Variants in CALB1 observed in about 807,000 individuals in gnomAD.
CALB1 encodes calbindin 1.
CALB1 carries 16 observed loss-of-function variants against 46.7 expected under a neutral mutation model. The ratio of observed to expected loss-of-function variants is 0.34; its 90% CI spans 0.23 to 0.52. The LOEUF is 0.52. CALB1 is among the 20% of genes least tolerant of loss of function. The probability of loss-of-function intolerance (pLI) is 0.95; values close to 1 mark genes in which losing one functional copy is unlikely to be tolerated. For missense variants in CALB1, 224 were observed against 300.3 expected (o/e 0.75, Z 1.88); for synonymous variants, 90 against 112.8 (o/e 0.80, Z 1.28).
intron 2 of CALB1, 149 bp from the exon 3 acceptor site, chr8:90,078,596 G>C (rs1001494629): frequency 9.0e-6 from 5 of 555,078 alleles, no homozygotes; most frequent in Non-Finnish European, 1.6e-5. Flanking sequence ...AAAATTAAAG[G>C]CATAACTGAT....
chr8:90,068,172 T>G (rs779024696), intron 5 of CALB1, among the ~76,000 whole-genome samples: 4 of 152,180 alleles, frequency 2.6e-5, no homozygotes, highest in African/African-American at 7.2e-5. Context: ...CACAAAAGCT[T>G]TCATGTGCAG....
chr8:90,063,177 T>C (rs1814334003), intron 8 of CALB1, 24 bp from the exon 9 acceptor site: 1 of 1,567,318 alleles, frequency 6.4e-7, no homozygotes. Flanking sequence ...AGAGAGTAAA[T>C]GTTAAAATGT....
chr8:90,060,212 T>A lies in CALB1; in HGVS notation c.747A>T (p.Arg249=), dbSNP rs1425345547. 1 of 1,613,724 alleles carries A rather than the reference T, an allele frequency of 6.2e-7. No individual in the cohort carries two copies. The highest frequency in any genetic ancestry group is 1.3e-5 in the African/African-American group (1 of 74,934). ...CACAGAGAATAAGAGCAAGATCCGTTCGGTACAGCTTCCCTCCATCCGACA... is the reference window on the plus strand; with the variant it reads ...CACAGAGAATAAGAGCAAGATCCGTACGGTACAGCTTCCCTCCATCCGACA... ...MALSDGGKLY[R]TDLALILCAG... The change falls in exon 11 of 11, where the codon CGA becomes CGT. Residue 249 remains arginine, a synonymous_variant. Transcript: ENST00000265431.
At position 90,082,724 on chromosome 8, in the gene CALB1, T is replaced by C. The variant is rs200332764; in HGVS notation, c.-27A>G. 1 of 1,597,274 alleles carries C rather than the reference T, an allele frequency of 6.3e-7. No individual in the cohort carries two copies. Among genetic ancestry groups the C allele is most frequent in the Non-Finnish European group, 8.6e-7 (1 of 1,164,784 alleles). On this transcript the variant is annotated 5_prime_UTR_variant, in exon 1 of 11. Coordinates refer to ENST00000265431, the MANE Select transcript of CALB1 (RefSeq NM_004929.4). ...GTACAGCGGGGTGTGTGTCTGGGTG[T>C]GTGAATATGCGTGTGTCTGTGTCCG...
At chr8:90,078,508 G>A in intron 2 of CALB1, 61 bp from the exon 3 acceptor site, 2 of 954,028 alleles carry the variant, frequency 2.1e-6, no homozygotes, top group Non-Finnish European at 3.3e-6. Flanking sequence ...TGCTTGTGAT[G>A]GTGTTAATAA....
chr8:90,077,430 T>G (rs1332329111), intron 3 of CALB1, among the ~76,000 whole-genome samples: 2 of 152,078 alleles, frequency 1.3e-5, no homozygotes, highest in Admixed American at 6.6e-5. Flanking sequence ...TACTAAATGT[T>G]GTTGAGATCC....
intron 3 of CALB1, among the ~76,000 whole-genome samples, chr8:90,076,075 A>G (rs947292817): frequency 6.6e-6 from 1 of 152,064 alleles, no homozygotes; most frequent in African/African-American, 2.4e-5. Flanking sequence ...CTGGAACACT[A>G]AAACCTTCCA....
intron 3 of CALB1, among the ~76,000 whole-genome samples, chr8:90,070,925 C>T (rs113277476): frequency 1.5e-4 from 22 of 150,064 alleles, no homozygotes; most frequent in African/African-American, 5.2e-4. Context: ...CTTCTGTGAC[C>T]TTTGCATTCT....
intron 3 of CALB1, among the ~76,000 whole-genome samples, chr8:90,074,168 A>T (rs35044745): frequency 1.7e-3 from 265 of 151,994 alleles, no homozygotes; most frequent in Non-Finnish European, 3.1e-3. Flanking sequence ...TAAGTGGGGG[A>T]AAAGGCTTGG....
intron 3 of CALB1, among the ~76,000 whole-genome samples, chr8:90,070,038 C>G (rs1169359907): frequency 6.7e-6 from 1 of 149,884 alleles, no homozygotes; most frequent in Non-Finnish European, 1.5e-5. Flanking sequence ...CTATTGCGTA[C>G]AGAGAAGGAA....
intron 8 of CALB1, 63 bp from the exon 9 acceptor site, chr8:90,063,216 G>A (rs369393075): frequency 1.9e-4 from 298 of 1,530,186 alleles, no homozygotes; most frequent in Non-Finnish European, 2.6e-4. Flanking sequence ...TGTTTCCCTT[G>A]ACAAGTCTCC....
Position 90,063,510 on chromosome 8 carries a change from G to T in CALB1, c.451-49C>A, listed in dbSNP as rs749447782. On this transcript the variant is annotated intron_variant, in intron 6 of 10. Coordinates refer to ENST00000265431, the MANE Select transcript of CALB1 (RefSeq NM_004929.4). ...CTAGCTATTTGAGGAATAATTTATT[G>T]CATGAAGGAGATGAACTTCAAAATA... 1.4e-5 allele frequency: 20 copies of T among 1,461,066 alleles called. No individual in the cohort carries two copies. In the East Asian group the frequency reaches 4.3e-4, roughly 32 times the overall value. 90.5% of individuals were successfully genotyped at this position (1,461,066 alleles called of 1,614,324 possible).
intron 3 of CALB1, among the ~76,000 whole-genome samples, chr8:90,069,834 A>T (rs1805874): frequency 1.7e-4 from 26 of 151,958 alleles, no homozygotes; most frequent in African/African-American, 5.3e-4. Flanking sequence ...GAATAGGAAA[A>T]GCCAGTTCTC....
chr8:90,071,430 G>C (rs2130239196), intron 3 of CALB1, among the ~76,000 whole-genome samples: 1 of 152,226 alleles, frequency 6.6e-6, no homozygotes, highest in South Asian at 2.1e-4. Flanking sequence ...AAGGGAGGGA[G>C]AATGGCAGTG....
chr8:90,068,934 G>T, intron 5 of CALB1, 64 bp downstream of exon 5: 1 of 1,202,338 alleles, frequency 8.3e-7, no homozygotes, highest in Non-Finnish European at 1.2e-6. Flanking sequence ...TAAAAAGCTA[G>T]GAAACTCTTA....
At chr8:90,079,450 TA>T (rs1269071439) in intron 2 of CALB1, among the ~76,000 whole-genome samples, 1 of 152,188 alleles carries the variant, frequency 6.6e-6, no homozygotes, top group Non-Finnish European at 1.5e-5. Context: ...TGTATTTATC[TA>T]ATTTTGTTAT....
At chr8:90,065,526 TAAG>T (rs907195856) in intron 6 of CALB1, among the ~76,000 whole-genome samples, 1 of 151,830 alleles carries the variant, frequency 6.6e-6, no homozygotes, top group African/African-American at 2.4e-5. Flanking sequence ...AACTCTATAA[TAAG>T]TGAGTTTTTG....
intron 2 of CALB1, among the ~76,000 whole-genome samples, chr8:90,079,176 C>G (rs866886854): frequency 1.3e-5 from 2 of 151,890 alleles, no homozygotes; most frequent in Middle Eastern, 3.4e-3. Context: ...TATTCTACGT[C>G]CTTGGGAAAG....
intron 3 of CALB1, among the ~76,000 whole-genome samples, chr8:90,070,473 A>T (rs1218324363): frequency 6.6e-6 from 1 of 152,196 alleles, no homozygotes; most frequent in African/African-American, 2.4e-5. Flanking sequence ...TCATTTAAAA[A>T]TTTAATATTT....
Sources: gnomAD v4.1 joint callset for allele counts (sites outside exome capture counted in the v4.1 genomes callset) on GRCh38, gnomAD v4.1.1 for gene constraint, MANE v1.5 for transcripts, NCBI Gene and HGNC (gene_info 2026-07-23, HGNC 2026-07-21) for gene names.